The following EML6 variants were observed in gnomAD, a reference collection of about 807,000 sequenced individuals.
EML6 encodes the protein EMAP like 6.
EML6 carries 154 observed loss-of-function variants against 240.1 expected under a neutral mutation model. The observed-to-expected ratio is 0.64, with a 90% CI of 0.56 to 0.73. The LOEUF is 0.73. Among genes scored for constraint, EML6 ranks in the 30% least tolerant of loss-of-function variants. EML6 has a pLI of 0.00. For synonymous variants in EML6, 1,148 were observed against 899.0 expected, an observed-to-expected ratio of 1.28 and a Z score of -4.95; for missense variants, 2,964 against 2,474.6, an observed-to-expected ratio of 1.20 and a Z score of -4.20.
At chr2:54,886,579 G>A (rs1487548883) in intron 17 of EML6, among the ~76,000 whole-genome samples, 2 of 152,104 alleles carry the variant, frequency 1.3e-5, no homozygotes, top group Non-Finnish European at 2.9e-5. Context: ...TTAAACACAG[G>A]CCTCCAACTT....
chr2:54,900,391 A>G (rs1672993763), intron 22 of EML6, among the ~76,000 whole-genome samples: 1 of 152,186 alleles, frequency 6.6e-6, no homozygotes, highest in Non-Finnish European at 1.5e-5. Flanking sequence ...TAATTCGAGG[A>G]GAGTCTTTAA....
chr2:54,916,888 A>T lies in EML6; in HGVS notation c.3628A>T (p.Thr1210Ser), dbSNP rs746917849. ...TACCAAAGACTGTTCCCTTTTAGCC[A>T]CCGGAGATGATTTTGGTTTCGTTAA... is the stretch of plus-strand genomic sequence containing the variant. ...SLTKDCSLLATGDDFGFVKLF... is the reference protein window; with the variant it reads ...SLTKDCSLLASGDDFGFVKLF... Residue 1210 changes from threonine to serine, a missense_variant, in exon 26 of 42, where the codon ACC becomes TCC. Transcript: ENST00000356458. 4 of 1,548,288 alleles carry T rather than the reference A, an allele frequency of 2.6e-6. No homozygotes were observed. The highest frequency in any genetic ancestry group is 3.5e-6 in the Non-Finnish European group (4 of 1,144,164).
rs1669605502 is a variant in EML6 at position 54,843,940 on chromosome 2, T to C, written c.848-107T>C. On this transcript the variant is annotated intron_variant, in intron 7 of 41. Coordinates refer to ENST00000356458, the MANE Select transcript of EML6 (RefSeq NM_001039753.4). Reference sequence around the variant, plus strand: ...TGTGTCACATTTGATGGTATCCTGGTTAAAGGGCATTTACTTTAGGGTTTT... The same window carrying C: ...TGTGTCACATTTGATGGTATCCTGGCTAAAGGGCATTTACTTTAGGGTTTT... The C allele has an allele frequency of 5.0e-5, 43 of 853,322 alleles. 1 individual carries two copies. In the South Asian group the frequency reaches 6.6e-4, roughly 13 times the overall value. 52.9% of individuals were successfully genotyped at this position (853,322 alleles called of 1,614,324 possible).
chr2:54,875,668 CTG>C (rs1266369311), intron 16 of EML6, among the ~76,000 whole-genome samples: 2 of 152,236 alleles, frequency 1.3e-5, no homozygotes, highest in African/African-American at 4.8e-5. Flanking sequence ...TGGGCAAAAT[CTG>C]TAACTGGGCT....
intron 25 of EML6, among the ~76,000 whole-genome samples, chr2:54,914,096 C>A (rs1673779611): frequency 6.6e-6 from 1 of 152,208 alleles, no homozygotes; most frequent in African/African-American, 2.4e-5. Context: ...ATACCTCTGG[C>A]TTTGTTCTTT....
chr2:54,803,771 C>A (rs1670305076), intron 2 of EML6, among the ~76,000 whole-genome samples: 2 of 152,130 alleles, frequency 1.3e-5, no homozygotes, highest in African/African-American at 4.8e-5. Context: ...AAAATACTTC[C>A]AGGATTTCAG....
At chr2:54,742,555 A>T (rs1683699254) in intron 2 of EML6, among the ~76,000 whole-genome samples, 1 of 152,026 alleles carries the variant, frequency 6.6e-6, no homozygotes, top group Non-Finnish European at 1.5e-5. Flanking sequence ...ATGACTTTCC[A>T]TTTGTGTGTC....
rs767889037 is a variant in EML6 at position 54,866,838 on chromosome 2, C to A, written c.2005C>A (p.Arg669=). 6.4e-7 allele frequency: 1 copy of A among 1,551,214 alleles called. No homozygotes were observed. The highest frequency in any genetic ancestry group is 8.7e-7 in the Non-Finnish European group (1 of 1,146,626). Residue 669 remains arginine, a synonymous_variant, in exon 14 of 42, where the codon CGA becomes AGA. Transcript: ENST00000356458. ...EKNHAVPFLK[R]EKAPEDSLKL... ...AAACCACGCAGTGCCCTTCCTCAAA[C>A]GAGAAAAGGCTCCTGAGGACAGCTT...
intron 30 of EML6, among the ~76,000 whole-genome samples, chr2:54,951,690 C>T (rs1046250366): frequency 7.3e-6 from 1 of 137,288 alleles, no homozygotes; most frequent in African/African-American, 2.6e-5. Flanking sequence ...GCCTTATTTG[C>T]TCATGCCTCA....
chr2:54,764,143 A>G (rs1668087939), intron 2 of EML6, among the ~76,000 whole-genome samples: 1 of 152,236 alleles, frequency 6.6e-6, no homozygotes. Context: ...CAAGCAGTCC[A>G]GTTATTTTCA....
At chr2:54,878,424 G>T (rs1308531706) in intron 16 of EML6, among the ~76,000 whole-genome samples, 1 of 152,222 alleles carries the variant, frequency 6.6e-6, no homozygotes, top group African/African-American at 2.4e-5. Flanking sequence ...GTGGAAGGGA[G>T]ACTGCTGACC....
chr2:54,899,384 C>G (rs1672939007), intron 21 of EML6, among the ~76,000 whole-genome samples: 1 of 152,160 alleles, frequency 6.6e-6, no homozygotes, highest in African/African-American at 2.4e-5. Context: ...ATCATATAAA[C>G]AAAACCAATA....
intron 7 of EML6, among the ~76,000 whole-genome samples, chr2:54,831,604 A>T (rs1668874898): frequency 1.3e-5 from 2 of 152,238 alleles, no homozygotes; most frequent in South Asian, 4.1e-4. Context: ...GGAACCCGAA[A>T]CAAGCCTGCA....
At chr2:54,820,914 A>C (rs1320722243) in intron 5 of EML6, among the ~76,000 whole-genome samples, 1 of 152,176 alleles carries the variant, frequency 6.6e-6, no homozygotes, top group Non-Finnish European at 1.5e-5. Flanking sequence ...GTACAAACCT[A>C]TCTGGACCAT....
At chr2:54,736,338 A>C (rs771705627) in intron 2 of EML6, among the ~76,000 whole-genome samples, 16 of 152,208 alleles carry the variant, frequency 1.1e-4, no homozygotes, top group Non-Finnish European at 1.9e-4. Context: ...ACTTCTCAGA[A>C]GAGGGAGCGT....
intron 2 of EML6, among the ~76,000 whole-genome samples, chr2:54,785,262 G>A (rs776455600): frequency 3.4e-5 from 5 of 146,728 alleles, no homozygotes; most frequent in Admixed American, 1.4e-4. Flanking sequence ...CACAACGTCT[G>A]CCACCCAGGT....
chr2:54,965,422 G>C (rs1676705644), intron 38 of EML6, among the ~76,000 whole-genome samples: 1 of 152,180 alleles, frequency 6.6e-6, no homozygotes, highest in African/African-American at 2.4e-5. Flanking sequence ...GGTTCACCTT[G>C]CCGGCTGCCT....
At position 54,762,229 on chromosome 2, in the gene EML6, T is replaced by TTTATC. The variant is rs1445980293; in HGVS notation, c.197+36972_197+36973insTATCT. On this transcript the variant is annotated intron_variant, in intron 2 of 41. Coordinates refer to ENST00000356458, the MANE Select transcript of EML6 (RefSeq NM_001039753.4). ...GTTCTTTTACTGAATGTCCCTCAAGTTGGGTTTATCTGATGTTTCCTCATG... is the reference window on the plus strand; with the variant it reads ...GTTCTTTTACTGAATGTCCCTCAAGTTTATCTGGGTTTATCTGATGTTTCCTCATG... Among the ~76,000 whole-genome samples, 147 of 152,248 alleles carry TTTATC rather than the reference T, an allele frequency of 9.7e-4. 2 individuals carry two copies. The East Asian group carries it at 0.023, about 24-fold the overall frequency.
intron 5 of EML6, among the ~76,000 whole-genome samples, chr2:54,824,718 GT>G (rs1668505627): frequency 6.6e-6 from 1 of 152,164 alleles, no homozygotes; most frequent in Non-Finnish European, 1.5e-5. Context: ...AGCCTACCGG[GT>G]TTGTGGATAC....
Sources: gnomAD v4.1 joint callset for allele counts (sites outside exome capture counted in the v4.1 genomes callset) on GRCh38, gnomAD v4.1.1 for gene constraint, MANE v1.5 for transcripts, NCBI Gene and HGNC (gene_info 2026-07-23, HGNC 2026-07-21) for gene names.